Variants in EYS observed in about 807,000 individuals in gnomAD.
EYS encodes EGF-like photoreceptor maintenance factor, also known as protein eyes shut homolog.
A neutral mutation model predicts 282.1 loss-of-function variants in EYS; 250 were observed. The ratio of observed to expected loss-of-function variants is 0.89; its 90% CI spans 0.80 to 0.98. EYS has a LOEUF of 0.98. Among genes scored for constraint, EYS ranks in the 50% least tolerant of loss-of-function variants. The pLI, the probability that EYS is intolerant of heterozygous loss-of-function variation, is 0.00. For missense variants in EYS, 4,016 were observed against 3,709.0 expected, an observed-to-expected ratio of 1.08 and a Z score of -2.15; for synonymous variants, 1,355 against 1,282.9, an observed-to-expected ratio of 1.06 and a Z score of -1.20.
rs67772165 is a variant in EYS, at chr6:63,852,156, CAAAAAAAA to C, written c.7228+12022_7228+12029del. ...TGGGCGACAGAGCGAGACTCTGTCT[CAAAAAAAA>C]AAAAAAAAAAAAAAAAAAATCAATG... On this transcript the variant is annotated intron_variant, in intron 36 of 42. Transcript: ENST00000503581. Among the ~76,000 whole-genome samples, 44 of 54,982 alleles carry C rather than the reference CAAAAAAAA, an allele frequency of 8.0e-4. 2 individuals carry two copies. Among genetic ancestry groups the C allele is most frequent in the South Asian group, 5.8e-3 (5 of 866 alleles). The allele number at this position is 54,982 out of a possible 152,430, so 36.1% of individuals were successfully genotyped here.
intron 12 of EYS, among the ~76,000 whole-genome samples, chr6:65,199,133 T>C (rs1765839472): frequency 6.6e-6 from 1 of 152,176 alleles, no homozygotes; most frequent in Admixed American, 6.6e-5. Context: ...ATCTGAGATC[T>C]ACCCCAATGA....
chr6:65,064,501 T>C (rs1278484575), intron 12 of EYS, among the ~76,000 whole-genome samples: 4 of 146,936 alleles, frequency 2.7e-5, no homozygotes, highest in African/African-American at 7.4e-5. Flanking sequence ...TAATATATAA[T>C]ATAGTATAAT....
intron 31 of EYS, among the ~76,000 whole-genome samples, chr6:64,184,302 G>T (rs1010246559): frequency 3.3e-5 from 5 of 152,124 alleles, no homozygotes; most frequent in African/African-American, 4.8e-5. Context: ...ATGAGTGAAT[G>T]AATCTTCTAG....
chr6:64,346,651 A>G (rs1248992724), intron 29 of EYS, among the ~76,000 whole-genome samples: 1 of 151,858 alleles, frequency 6.6e-6, no homozygotes, highest in East Asian at 1.9e-4. Flanking sequence ...ATGTATACAT[A>G]TGTAACAAAC....
At chr6:65,656,635 G>T (rs1233971901) in intron 1 of EYS, among the ~76,000 whole-genome samples, 1 of 151,870 alleles carries the variant, frequency 6.6e-6, no homozygotes, top group Non-Finnish European at 1.5e-5. Context: ...TGCTGGAAAA[G>T]AAGTTTGAAA....
At chr6:65,096,959 G>T (rs374687573) in intron 12 of EYS, among the ~76,000 whole-genome samples, 1 of 150,788 alleles carries the variant, frequency 6.6e-6, no homozygotes, top group African/African-American at 2.4e-5. Context: ...TGGATATGAT[G>T]CCAAAAGAAC....
intron 28 of EYS, among the ~76,000 whole-genome samples, chr6:64,404,975 A>ATTTAT (rs10659320): frequency 0.024 from 3,675 of 152,054 alleles, 133 homozygotes; most frequent in African/African-American, 0.084. Context: ...TAACACTCTT[A>ATTTAT]TTTATTTTAT....
chr6:65,048,771 C>T (rs1773180701), intron 13 of EYS, among the ~76,000 whole-genome samples: 1 of 151,810 alleles, frequency 6.6e-6, no homozygotes, highest in Non-Finnish European at 1.5e-5. Flanking sequence ...ATTTATCCGA[C>T]CTAGGAAACT....
intron 2 of EYS, among the ~76,000 whole-genome samples, chr6:65,505,805 T>A (rs1274977985): frequency 2.0e-5 from 3 of 152,098 alleles, no homozygotes; most frequent in African/African-American, 7.2e-5. Context: ...TGTTTTATAG[T>A]CTAGAATGTG....
At chr6:65,332,327 T>C (rs1582150043) in intron 11 of EYS, 3 of 741,230 alleles carry the variant, frequency 4.0e-6, no homozygotes, top group Non-Finnish European at 7.4e-6. Flanking sequence ...ATCAAACTTA[T>C]ATTCTTACGA....
chr6:64,236,845 G>A lies in EYS; in HGVS notation c.6192-6021C>T, dbSNP rs367929670. 5.1e-4 allele frequency among the ~76,000 whole-genome samples: 76 copies of A among 149,888 alleles called. No homozygotes were observed. In the South Asian group the frequency reaches 0.015, roughly 29 times the overall value. On this transcript the variant is annotated intron_variant, in intron 30 of 42. Coordinates refer to ENST00000503581, the MANE Select transcript of EYS (RefSeq NM_001142800.2). ...CTAGGGTACATGTTCACAATGTGCC[G>A]GGATAGATACCTAATGTAAATGACG...
intron 24 of EYS, among the ~76,000 whole-genome samples, chr6:64,615,089 C>T (rs533313667): frequency 1.8e-4 from 28 of 152,198 alleles, no homozygotes; most frequent in African/African-American, 6.7e-4. Context: ...GACTTACCCC[C>T]TGTACATTGT....
chr6:64,079,583 T>A (rs1314558717), intron 32 of EYS, among the ~76,000 whole-genome samples: 1 of 152,060 alleles, frequency 6.6e-6, no homozygotes, highest in African/African-American at 2.4e-5. Flanking sequence ...TTTTTATTAT[T>A]TTATTATACC....
intron 10 of EYS, among the ~76,000 whole-genome samples, chr6:65,342,111 C>A (rs911983000): frequency 6.6e-5 from 10 of 151,138 alleles, no homozygotes; most frequent in East Asian, 3.9e-4. Flanking sequence ...TTTCAAAATA[C>A]ATAAATACTG....
At chr6:63,744,881 T>A (rs1325114359) in intron 41 of EYS, 1 of 298,448 alleles carries the variant, frequency 3.4e-6, no homozygotes, top group African/African-American at 2.3e-5. Context: ...TGGGCTTCTT[T>A]TAAAATAAAT....
intron 35 of EYS, among the ~76,000 whole-genome samples, chr6:63,961,445 G>A (rs1488180269): frequency 6.6e-6 from 1 of 150,716 alleles, no homozygotes; most frequent in Non-Finnish European, 1.5e-5. Flanking sequence ...CTGCCTGCAA[G>A]AGAGAAACCC....
intron 26 of EYS, among the ~76,000 whole-genome samples, chr6:64,555,042 C>G (rs140630867): frequency 2.0e-5 from 3 of 151,934 alleles, no homozygotes; most frequent in Non-Finnish European, 2.9e-5. Flanking sequence ...GAAAGGAAAT[C>G]AGTACGTCAA....
At chr6:65,254,499 T>C (rs752614124) in intron 12 of EYS, among the ~76,000 whole-genome samples, 1 of 151,888 alleles carries the variant, frequency 6.6e-6, no homozygotes, top group African/African-American at 2.4e-5. Flanking sequence ...TTTTGAATGA[T>C]AAATAACTTT....
intron 26 of EYS, among the ~76,000 whole-genome samples, chr6:64,559,264 T>TGTGC (rs1765325504): frequency 8.1e-6 from 1 of 123,796 alleles, no homozygotes; most frequent in Non-Finnish European, 1.7e-5. Context: ...TATGTGTGTG[T>TGTGC]GTGTGCATGT....
Sources: gnomAD v4.1 joint callset for allele counts (sites outside exome capture counted in the v4.1 genomes callset) on GRCh38, gnomAD v4.1.1 for gene constraint, MANE v1.5 for transcripts, NCBI Gene and HGNC (gene_info 2026-07-23, HGNC 2026-07-21) for gene names.